The following RBKS variants were observed in gnomAD, a reference collection of about 807,000 sequenced individuals.
RBKS encodes the protein ribokinase.
In RBKS, 33 loss-of-function variants were observed where a neutral mutation model predicts 33.9. The ratio of observed to expected loss-of-function variants is 0.97; its 90% CI spans 0.74 to 1.30. The LOEUF (loss-of-function observed/expected upper bound fraction) is 1.30. Ranked by LOEUF, RBKS falls within the 50% of genes most tolerant of loss-of-function variation. The probability of loss-of-function intolerance (pLI) is 0.00; values close to 1 mark genes in which losing one functional copy is unlikely to be tolerated. For synonymous variants in RBKS, 125 were observed against 143.0 expected, an observed-to-expected ratio of 0.87 and a Z score of 0.90; for missense variants, 361 against 392.6, an observed-to-expected ratio of 0.92 and a Z score of 0.68.
intron 5 of RBKS, among the ~76,000 whole-genome samples, chr2:27,836,685 G>T (rs1274469467): frequency 6.6e-6 from 1 of 152,100 alleles, no homozygotes; most frequent in East Asian, 1.9e-4. Context: ...CATAGCAAAA[G>T]AAATGGTCAA....
intron 7 of RBKS, among the ~76,000 whole-genome samples, chr2:27,788,144 G>C (rs1677438036): frequency 6.6e-6 from 1 of 152,092 alleles, no homozygotes; most frequent in Non-Finnish European, 1.5e-5. Flanking sequence ...CAACCAGAAA[G>C]ACTGAATGCT....
At chr2:27,807,414 C>G (rs1677916058) in intron 7 of RBKS, among the ~76,000 whole-genome samples, 1 of 152,076 alleles carries the variant, frequency 6.6e-6, no homozygotes, top group South Asian at 2.1e-4. Flanking sequence ...GGGTCTTGCT[C>G]TGTCACCCAG....
At chr2:27,879,513 T>C (rs1362734802) in intron 1 of RBKS, among the ~76,000 whole-genome samples, 1 of 152,132 alleles carries the variant, frequency 6.6e-6, no homozygotes, top group Admixed American at 6.5e-5. Context: ...CCTCTCTCTC[T>C]TCCCCTCAAC....
chr2:27,791,813 G>T (rs956847403), intron 7 of RBKS, among the ~76,000 whole-genome samples: 8 of 152,068 alleles, frequency 5.3e-5, no homozygotes, highest in African/African-American at 1.9e-4. Context: ...CAGGCCAGGG[G>T]CTGGGGAGTA....
intron 1 of RBKS, among the ~76,000 whole-genome samples, chr2:27,887,442 C>A (rs186869846): frequency 6.6e-6 from 1 of 152,182 alleles, no homozygotes; most frequent in Non-Finnish European, 1.5e-5. Context: ...TAATTTGTTA[C>A]AGCAGCAGTA....
chr2:27,873,976 C>A lies in RBKS; in HGVS notation c.90-15405G>T, dbSNP rs376332942. Reference sequence around the variant, plus strand: ...TTCTGTATGTATACAAGAAACACTCCAAGTCAAACTAGTGATATAAAAATC... The same window carrying A: ...TTCTGTATGTATACAAGAAACACTCAAAGTCAAACTAGTGATATAAAAATC... On this transcript the variant is annotated intron_variant, in intron 1 of 7. Coordinates refer to ENST00000302188, the MANE Select transcript of RBKS (RefSeq NM_022128.3). Among the ~76,000 whole-genome samples, 31 of 152,122 alleles carry A rather than the reference C, an allele frequency of 2.0e-4. 1 individual carries two copies. In the East Asian group the frequency reaches 2.1e-3, roughly 10 times the overall value.
rs980131729 is a variant in RBKS, at chr2:27,847,234, A to T, written c.287-130T>A. The T allele has an allele frequency of 1.8e-5, 10 of 568,098 alleles. No individual in the cohort carries two copies. The African/African-American group carries it at 1.9e-4, about 11-fold the overall frequency. The allele number at this position is 568,098 out of a possible 1,614,324, so 35.2% of individuals were successfully genotyped here. ...TTTAACCATCTGGAATGATAAAAAA[A>T]AATAAGTAATTAGTGCTAATTTATA... On this transcript the variant is annotated intron_variant, in intron 3 of 7. Transcript: ENST00000302188.
In RBKS at chr2:27,803,819, G is replaced by T. The variant is rs1030042261; in HGVS notation, c.796-22031C>A. Among the ~76,000 whole-genome samples, 32 of 152,214 alleles carry T rather than the reference G, an allele frequency of 2.1e-4. 1 individual carries two copies. The highest frequency in any genetic ancestry group is 2.0e-3 in the Admixed American group (31 of 15,288). ...CCCAGCACTTTGGGAAGCCAAGGTG[G>T]GCAGATCACTTGAGGTCAGGAGTTT... On this transcript the variant is annotated intron_variant, in intron 7 of 7. Coordinates refer to ENST00000302188, the MANE Select transcript of RBKS (RefSeq NM_022128.3).
intron 1 of RBKS, among the ~76,000 whole-genome samples, chr2:27,866,406 A>G (rs796357802): frequency 1.3e-5 from 2 of 152,242 alleles, no homozygotes; most frequent in African/African-American, 4.8e-5. Context: ...AGTTTATATC[A>G]TGCTCATCCT....
At chr2:27,875,686 C>T (rs1664299557) in intron 1 of RBKS, among the ~76,000 whole-genome samples, 1 of 152,082 alleles carries the variant, frequency 6.6e-6, no homozygotes, top group Non-Finnish European at 1.5e-5. Flanking sequence ...CAAACAGAAC[C>T]AACTTAAAAG....
chr2:27,888,982 G>A (rs987933184), intron 1 of RBKS, among the ~76,000 whole-genome samples: 3 of 152,200 alleles, frequency 2.0e-5, no homozygotes, highest in Non-Finnish European at 4.4e-5. Context: ...CACAGTGTCT[G>A]ACAGAATAGT....
At chr2:27,813,516 A>C (rs1678031518) in intron 7 of RBKS, among the ~76,000 whole-genome samples, 1 of 152,204 alleles carries the variant, frequency 6.6e-6, no homozygotes, top group African/African-American at 2.4e-5. Context: ...GGCATGGCTA[A>C]GAAGACAATT....
In RBKS at chr2:27,881,086, C is replaced by CA. The variant is rs35355088; in HGVS notation, c.89+9170dup. Among the ~76,000 whole-genome samples, 7 of 151,844 alleles carry CA rather than the reference C, an allele frequency of 4.6e-5. No individual in the cohort carries two copies. The East Asian group carries it at 1.2e-3, about 25-fold the overall frequency. On this transcript the variant is annotated intron_variant, in intron 1 of 7. Coordinates refer to ENST00000302188, the MANE Select transcript of RBKS (RefSeq NM_022128.3). ...ACCAACAAACAAACAAACAAACAAACAAAAAAACAGAAATTAGCTGGGCAT... is the reference window on the plus strand; with the variant it reads ...ACCAACAAACAAACAAACAAACAAACAAAAAAAACAGAAATTAGCTGGGCAT...
rs137874195 is a variant in RBKS at position 27,890,280 on chromosome 2, G to A, written c.66C>T (p.Gly22=). The change falls in exon 1 of 8, where the codon GGC becomes GGT. Residue 22 remains glycine, a synonymous_variant. Transcript: ENST00000302188. This position sits in a 1 kb window ranked among gnomAD's most constrained non-coding sequence, Gnocchi z 4.8. ...ACCTGACCAGGTCGGTCATGCAGGA[G>A]CCCACCACTACCACCGCCGCCACCT... ...QEEVAAVVVV[G]SCMTDLVSLT... 1.3e-5 allele frequency: 21 copies of A among 1,613,774 alleles called. No homozygotes were observed. In the African/African-American group the frequency reaches 2.3e-4, roughly 17 times the overall value.
At chr2:27,877,531 T>C (rs1664336587) in intron 1 of RBKS, among the ~76,000 whole-genome samples, 1 of 152,158 alleles carries the variant, frequency 6.6e-6, no homozygotes, top group South Asian at 2.1e-4. Context: ...ATCTCTTAAT[T>C]ATTTGATACC....
chr2:27,844,557 TA>T (rs1663583463), intron 4 of RBKS, among the ~76,000 whole-genome samples: 1 of 151,878 alleles, frequency 6.6e-6, no homozygotes, highest in African/African-American at 2.4e-5. Flanking sequence ...CACGCCTGGC[TA>T]ATTTTTTTTT....
At chr2:27,788,484 T>G (rs940250936) in intron 7 of RBKS, among the ~76,000 whole-genome samples, 2 of 152,128 alleles carry the variant, frequency 1.3e-5, no homozygotes, top group African/African-American at 4.8e-5. Flanking sequence ...GACGGGTGGA[T>G]AACAAGGTCA....
chr2:27,812,692 C>T (rs1267934962), intron 7 of RBKS, among the ~76,000 whole-genome samples: 1 of 152,106 alleles, frequency 6.6e-6, no homozygotes, highest in African/African-American at 2.4e-5. Flanking sequence ...GAACATCACA[C>T]ACCAGGGCCT....
At chr2:27,828,317 G>A (rs1445240794) in intron 6 of RBKS, among the ~76,000 whole-genome samples, 1 of 151,978 alleles carries the variant, frequency 6.6e-6, no homozygotes, top group African/African-American at 2.4e-5. Flanking sequence ...GAAAAAGGAA[G>A]GTTGGAGGGG....
Sources: gnomAD v4.1 joint callset for allele counts (sites outside exome capture counted in the v4.1 genomes callset) on GRCh38, gnomAD v4.1.1 for gene constraint, Gnocchi (gnomAD v3.1) non-coding constraint, MANE v1.5 for transcripts, NCBI Gene and HGNC (gene_info 2026-07-23, HGNC 2026-07-21) for gene names.